NDC80: variants seen among roughly 807,000 people sequenced by gnomAD.
NDC80 encodes NDC80 kinetochore complex component.
A neutral mutation model predicts 89.3 loss-of-function variants in NDC80; 69 were observed. The ratio of observed to expected loss-of-function variants is 0.77; its 90% confidence interval spans 0.64 to 0.94. NDC80 has a LOEUF of 0.94. Ranked by LOEUF, NDC80 falls within the 40% of genes least tolerant of loss-of-function variation. The pLI is 0.00. For missense variants in NDC80, 593 were observed against 739.6 expected (o/e 0.80, Z 2.30); for synonymous variants, 243 against 255.6 (o/e 0.95, Z 0.47).
rs1226824716 is a variant in NDC80 at position 2,579,011 on chromosome 18, G to A, written c.561G>A (p.Trp187Ter). Residue 187 changes from tryptophan to a stop codon, truncating the protein, a stop_gained, in exon 6 of 17, where the codon TGG becomes TGA. Transcript: ENST00000261597. LOFTEE classifies it high-confidence loss of function. ...TWPHIVAALV[W>*]LIDCIKIHTA... Reference sequence around the variant, plus strand: ...CTCACATTGTGGCAGCCTTAGTTTGGCTAATAGACTGCATCAAGGTATTTG... The same window carrying A: ...CTCACATTGTGGCAGCCTTAGTTTGACTAATAGACTGCATCAAGGTATTTG... 4 of 1,561,296 alleles carry A rather than the reference G, an allele frequency of 2.6e-6. No homozygotes were observed. The highest frequency in any genetic ancestry group is 3.5e-6 in the Non-Finnish European group (4 of 1,153,516).
chr18:2,598,988 T>C, intron 11 of NDC80, 31 bp from the exon 12 acceptor site: 2 of 1,508,904 alleles, frequency 1.3e-6, no homozygotes, highest in Non-Finnish European at 1.8e-6. Context: ...TGGGGCTGCT[T>C]TAACATGTCT....
At chr18:2,573,493 ATAG>A (rs2072530700) in intron 2 of NDC80, among the ~76,000 whole-genome samples, 1 of 152,226 alleles carries the variant, frequency 6.6e-6, no homozygotes, top group Non-Finnish European at 1.5e-5. Context: ...AAGGTATAAT[ATAG>A]TAGCAGCCTA....
At position 2,610,693 on chromosome 18, in the gene NDC80, A is replaced by G. The variant is rs1040949486; in HGVS notation, c.1689-66A>G. 8 of 989,068 alleles carry G rather than the reference A, an allele frequency of 8.1e-6. No homozygotes were observed. The African/African-American group carries it at 1.1e-4, about 14-fold the overall frequency. 61.3% of individuals were successfully genotyped at this position (989,068 alleles called of 1,614,324 possible). ...TTTTTGAATGTGGAAATGGGAAGTG[A>G]GCTAACTAGAACGGATGTATTAATT... On this transcript the variant is annotated intron_variant, in intron 15 of 16. Coordinates refer to ENST00000261597, the MANE Select transcript of NDC80 (RefSeq NM_006101.3).
At chr18:2,592,814 C>T (rs907313086) in intron 10 of NDC80, among the ~76,000 whole-genome samples, 2 of 152,110 alleles carry the variant, frequency 1.3e-5, no homozygotes, top group Non-Finnish European at 2.9e-5. Flanking sequence ...CAATCCTCTC[C>T]ACCCTTAGGA....
At chr18:2,585,561 C>G (rs1042190224) in intron 7 of NDC80, among the ~76,000 whole-genome samples, 1 of 152,134 alleles carries the variant, frequency 6.6e-6, no homozygotes, top group Non-Finnish European at 1.5e-5. Flanking sequence ...TACTCCATTG[C>G]TTTTGCACCA....
At chr18:2,583,998 T>C (rs1330178688) in intron 6 of NDC80, among the ~76,000 whole-genome samples, 2 of 152,142 alleles carry the variant, frequency 1.3e-5, no homozygotes, top group Non-Finnish European at 2.9e-5. Flanking sequence ...CCTATTGATA[T>C]CTTGGCCAGG....
Position 2,589,250 on chromosome 18 carries a change from A to G in NDC80, c.810A>G (p.Ala270=). 7.4e-6 allele frequency: 12 copies of G among 1,613,880 alleles called. No individual in the cohort carries two copies. The highest frequency in any genetic ancestry group is 9.3e-6 in the Non-Finnish European group (11 of 1,179,806). The change falls in exon 9 of 17, where the codon GCA becomes GCG. Residue 270 remains alanine (A), a synonymous_variant. Coordinates refer to ENST00000261597, the MANE Select transcript of NDC80 (RefSeq NM_006101.3). ...CTTTTAAGCTGGAATCATTAGAAGC[A>G]AAAAACAGAGCATTGAATGAACAGA... ...VDAFKLESLE[A]KNRALNEQIA... is the part of the protein sequence containing the mutation.
intron 13 of NDC80, 39 bp from the exon 14 acceptor site, chr18:2,606,376 T>C: frequency 1.5e-6 from 2 of 1,338,568 alleles, no homozygotes; most frequent in Non-Finnish European, 2.1e-6. Flanking sequence ...ATCTTTGATG[T>C]ATAGTTATGA....
intron 6 of NDC80, among the ~76,000 whole-genome samples, chr18:2,580,650 A>T (rs79403488): frequency 0.064 from 9,553 of 150,074 alleles, 333 homozygotes; most frequent in African/African-American, 0.082. Flanking sequence ...GACTTTATAT[A>T]TAACATTTAT....
chr18:2,602,952 A>G (rs2072691497), intron 13 of NDC80, among the ~76,000 whole-genome samples: 2 of 152,078 alleles, frequency 1.3e-5, no homozygotes, highest in Admixed American at 6.5e-5. Context: ...TCATGGCTGC[A>G]TGTGCAAGCT....
At chr18:2,609,683 C>T (rs150774068) in intron 15 of NDC80, among the ~76,000 whole-genome samples, 4 of 152,240 alleles carry the variant, frequency 2.6e-5, no homozygotes, top group Non-Finnish European at 5.9e-5. Context: ...CAGAAGGCTG[C>T]AGACTGAATT....
intron 16 of NDC80, chr18:2,614,444 A>T (rs2072761927): frequency 2.0e-4 from 1 of 4,954 alleles, no homozygotes; most frequent in Non-Finnish European, 3.0e-4. Context: ...TCAAAAAAAG[A>T]AAGAAAGAAA....
intron 2 of NDC80, among the ~76,000 whole-genome samples, chr18:2,573,345 G>T (rs559749474): frequency 2.0e-5 from 3 of 152,188 alleles, no homozygotes; most frequent in African/African-American, 7.2e-5. Flanking sequence ...GTTAATTCTT[G>T]TTCAGTACTC....
chr18:2,573,259 G>A (rs1320405996), intron 2 of NDC80, among the ~76,000 whole-genome samples, 173 bp downstream of exon 2: 1 of 152,194 alleles, frequency 6.6e-6, no homozygotes, highest in Non-Finnish European at 1.5e-5. Context: ...ATGATACTCT[G>A]CTAGGTGTTG....
At chr18:2,574,731 G>A (rs1012430135) in intron 2 of NDC80, among the ~76,000 whole-genome samples, 1 of 152,134 alleles carries the variant, frequency 6.6e-6, no homozygotes, top group African/African-American at 2.4e-5. Context: ...AGGTTAAAAC[G>A]AAGACTAAAT....
intron 14 of NDC80, among the ~76,000 whole-genome samples, chr18:2,607,195 C>A (rs1469271929): frequency 6.6e-6 from 1 of 152,166 alleles, no homozygotes; most frequent in Non-Finnish European, 1.5e-5. Flanking sequence ...AAATATACCA[C>A]ATAATATGAT....
intron 8 of NDC80, among the ~76,000 whole-genome samples, chr18:2,588,409 A>T (rs1288047598): frequency 6.6e-6 from 1 of 152,156 alleles, no homozygotes; most frequent in Non-Finnish European, 1.5e-5. Context: ...ATGTAAGGAA[A>T]ATCTTTTTTT....
intron 16 of NDC80, 50 bp from the exon 17 acceptor site, chr18:2,616,387 A>G: frequency 7.9e-7 from 1 of 1,267,690 alleles, no homozygotes; most frequent in Non-Finnish European, 1.1e-6. Flanking sequence ...TAAACATTTT[A>G]AAAGAAATTA....
At position 2,590,167 on chromosome 18, in the gene NDC80, G is replaced by T; in HGVS notation, c.1015+5G>T. On this transcript the variant is annotated splice_donor_5th_base_variant and intron_variant, in intron 10 of 16. Coordinates refer to ENST00000261597, the MANE Select transcript of NDC80 (RefSeq NM_006101.3). ...ATGAGGAAATTGCTAGAGTAGGTAAGCAGAGCTAATGCTAAAAGACTGGGA... is the reference window on the plus strand; with the variant it reads ...ATGAGGAAATTGCTAGAGTAGGTAATCAGAGCTAATGCTAAAAGACTGGGA... The T allele has an allele frequency of 6.3e-7, 1 of 1,581,928 alleles. No homozygotes were observed. Among genetic ancestry groups the T allele is most frequent in the Non-Finnish European group, 8.6e-7 (1 of 1,166,838 alleles).
Sources: allele counts gnomAD v4.1 joint callset (sites outside exome capture counted in the v4.1 genomes callset), GRCh38; gene constraint gnomAD v4.1.1; transcripts MANE v1.5; gene names NCBI Gene and HGNC (gene_info 2026-07-23, HGNC 2026-07-21).